PTPRT: variants seen among roughly 807,000 people sequenced by gnomAD.
PTPRT encodes protein tyrosine phosphatase receptor type T.
Under a neutral mutation model 176.8 loss-of-function variants are expected in PTPRT, and 56 were observed. That is an observed-to-expected ratio of 0.32 (90% CI 0.26 to 0.40). PTPRT has a LOEUF of 0.40. Among genes scored for constraint, PTPRT ranks in the 10% least tolerant of loss-of-function variants. The pLI is 1.00. For synonymous variants in PTPRT, 783 were observed against 739.0 expected (o/e 1.06, Z -0.96); for missense variants, 1,540 against 1,908.2 (o/e 0.81, Z 3.60).
At chr20:43,149,363 A>C (rs1488329264) in intron 1 of PTPRT, among the ~76,000 whole-genome samples, 2 of 152,236 alleles carry the variant, frequency 1.3e-5, no homozygotes, top group Admixed American at 1.3e-4. Flanking sequence ...GCACTAGGTT[A>C]ATTCTATTCA....
intron 1 of PTPRT, among the ~76,000 whole-genome samples, chr20:42,931,190 A>G (rs1367826501): frequency 6.6e-6 from 1 of 152,184 alleles, no homozygotes; most frequent in Non-Finnish European, 1.5e-5. Flanking sequence ...CCCCAGTGTC[A>G]CTATATTTAA....
chr20:42,172,472 T>A (rs1016104666), intron 16 of PTPRT, among the ~76,000 whole-genome samples: 2 of 152,238 alleles, frequency 1.3e-5, no homozygotes, highest in Admixed American at 6.5e-5. Context: ...AAGACTCTGA[T>A]GGACGTGGTC....
chr20:42,948,589 G>A (rs552819415), intron 1 of PTPRT, among the ~76,000 whole-genome samples: 1 of 152,090 alleles, frequency 6.6e-6, no homozygotes, highest in East Asian at 1.9e-4. Context: ...AGGAAAGAGT[G>A]CATCCAGGAG....
At chr20:42,896,570 G>C (rs1242276513) in intron 1 of PTPRT, among the ~76,000 whole-genome samples, 1 of 151,274 alleles carries the variant, frequency 6.6e-6, no homozygotes, top group African/African-American at 2.4e-5. Context: ...GGGAGGCGGA[G>C]GTTGTGGTGA....
At chr20:42,294,732 C>T (rs1264064782) in intron 12 of PTPRT, among the ~76,000 whole-genome samples, 1 of 151,796 alleles carries the variant, frequency 6.6e-6, no homozygotes, top group Non-Finnish European at 1.5e-5. Flanking sequence ...TAAATATCCT[C>T]AAACAACTTT....
chr20:42,209,896 C>T (rs1250459309), intron 15 of PTPRT, among the ~76,000 whole-genome samples: 2 of 152,058 alleles, frequency 1.3e-5, no homozygotes, highest in Non-Finnish European at 2.9e-5. Context: ...CAAAAATCCT[C>T]AATAAAATAC....
At chr20:42,893,931 C>T (rs1281005786) in intron 1 of PTPRT, among the ~76,000 whole-genome samples, 2 of 151,666 alleles carry the variant, frequency 1.3e-5, no homozygotes, top group Admixed American at 6.6e-5. Context: ...TTAATGGGTG[C>T]CACACACCTG....
intron 7 of PTPRT, among the ~76,000 whole-genome samples, chr20:42,557,154 T>A (rs539185164): frequency 4.5e-4 from 68 of 152,268 alleles, no homozygotes; most frequent in Admixed American, 1.7e-3. Flanking sequence ...CAAAGGCTTG[T>A]TTTGCGGGCT....
chr20:43,178,237 T>C (rs959526752), intron 1 of PTPRT, among the ~76,000 whole-genome samples: 3 of 152,214 alleles, frequency 2.0e-5, no homozygotes, highest in African/African-American at 7.2e-5. Flanking sequence ...CCAGACAATT[T>C]TGTTTAGGGG....
At chr20:42,341,546 G>A (rs1296328916) in intron 11 of PTPRT, among the ~76,000 whole-genome samples, 1 of 152,074 alleles carries the variant, frequency 6.6e-6, no homozygotes, top group African/African-American at 2.4e-5. Context: ...TCCATCTCCT[G>A]TGTGTTTCCT....
At chr20:42,634,570 A>G (rs1313720141) in intron 7 of PTPRT, among the ~76,000 whole-genome samples, 2 of 152,038 alleles carry the variant, frequency 1.3e-5, no homozygotes, top group Non-Finnish European at 2.9e-5. Context: ...CAAGTAGAGG[A>G]AGGTACAGGC....
chr20:42,508,151 A>G lies in PTPRT; in HGVS notation c.1154-35589T>C, dbSNP rs200226429. On this transcript the variant is annotated intron_variant, in intron 7 of 30. Coordinates refer to ENST00000373187, the MANE Select transcript of PTPRT (RefSeq NM_007050.6). ...TTTGTGTGTGTGTGTGTGTGTGTGTATTATATTAACATCTTTCCATTTCCT... is the reference window on the plus strand; with the variant it reads ...TTTGTGTGTGTGTGTGTGTGTGTGTGTTATATTAACATCTTTCCATTTCCT... 9.8e-3 allele frequency among the ~76,000 whole-genome samples: 1,137 copies of G among 116,572 alleles called. 22 individuals are homozygous for G. The highest frequency in any genetic ancestry group is 0.065 in the African/African-American group (1,092 of 16,686). 76.5% of individuals were successfully genotyped at this position (116,572 alleles called of 152,430 possible). A position where few individuals can be genotyped will look rare whatever the true frequency, so the allele number is the denominator to read the frequency against.
intron 7 of PTPRT, among the ~76,000 whole-genome samples, chr20:42,477,192 C>G (rs2071305073): frequency 6.6e-6 from 1 of 152,090 alleles, no homozygotes; most frequent in South Asian, 2.1e-4. Flanking sequence ...GTTTGTCCCC[C>G]CTCTCAGGCT....
In PTPRT at chr20:42,079,759, C is replaced by T. The variant is rs1983128916; in HGVS notation, c.*1120G>A. The T allele has an allele frequency of 4.4e-6, 1 of 229,346 alleles. No homozygotes were observed. Among genetic ancestry groups the T allele is most frequent in the Non-Finnish European group, 8.6e-6 (1 of 115,616 alleles). The allele number at this position is 229,346 out of a possible 1,614,324, so 14.2% of individuals were successfully genotyped here. The stretch of plus-strand genomic sequence containing the variant: ...TTGGACATCCAAATTATGCACAAAG[C>T]TGGTGCTCTATTTGCCCCAGAAACC... On this transcript the variant is annotated 3_prime_UTR_variant, in exon 31 of 31. Transcript: ENST00000373187.
chr20:42,397,991 C>T (rs1272728681), intron 9 of PTPRT, among the ~76,000 whole-genome samples: 1 of 152,066 alleles, frequency 6.6e-6, no homozygotes, highest in Non-Finnish European at 1.5e-5. Context: ...GAAATAGGCA[C>T]CTAGTATCTC....
intron 8 of PTPRT, among the ~76,000 whole-genome samples, chr20:42,461,500 C>T (rs1295252254): frequency 1.3e-5 from 2 of 151,878 alleles, no homozygotes; most frequent in Admixed American, 6.6e-5. Context: ...ATATCACTGC[C>T]CTCCAGCCTG....
rs377195503 is a variant in PTPRT, at chr20:42,488,613, G to GT, written c.1154-16052dup. On this transcript the variant is annotated intron_variant, in intron 7 of 30. Coordinates refer to ENST00000373187, the MANE Select transcript of PTPRT (RefSeq NM_007050.6). ...GTAGAATTCTTTGTATATTCTAGGG[G>GT]TTTTTTTTGTTCATGATAATCTCTA... Among the ~76,000 whole-genome samples the GT allele has an allele frequency of 2.4e-3, 368 of 151,836 alleles. 2 individuals carry two copies. In the Middle Eastern group the frequency reaches 0.037, roughly 15 times the overall value.
At chr20:42,742,241 C>T (rs2076622190) in intron 6 of PTPRT, among the ~76,000 whole-genome samples, 1 of 152,212 alleles carries the variant, frequency 6.6e-6, no homozygotes, top group African/African-American at 2.4e-5. Context: ...GAAACTATGG[C>T]ATTGTCTGCA....
At chr20:42,799,547 A>G (rs186466781) in intron 2 of PTPRT, among the ~76,000 whole-genome samples, 1 of 152,324 alleles carries the variant, frequency 6.6e-6, no homozygotes, top group East Asian at 1.9e-4. Context: ...ACTAAATGTT[A>G]TTGTAGGAAA....
Sources: allele counts gnomAD v4.1 joint callset (sites outside exome capture counted in the v4.1 genomes callset), GRCh38; gene constraint gnomAD v4.1.1; transcripts MANE v1.5; gene names NCBI Gene and HGNC (gene_info 2026-07-23, HGNC 2026-07-21).